The following MAGI1 variants were observed in gnomAD, a reference collection of about 807,000 sequenced individuals.
MAGI1 encodes membrane-associated guanylate kinase, WW and PDZ domain-containing protein 1.
A neutral mutation model predicts 139.9 loss-of-function variants in MAGI1; 58 were observed. The observed-to-expected ratio is 0.41, with a 90% CI of 0.34 to 0.52. MAGI1 has a LOEUF of 0.52. Among genes scored for constraint, MAGI1 ranks in the 20% least tolerant of loss-of-function variants. The pLI is 0.12. For synonymous variants in MAGI1, 812 were observed against 737.9 expected (o/e 1.10, Z -1.63); for missense variants, 1,874 against 1,901.6 (o/e 0.99, Z 0.27).
intron 1 of MAGI1, among the ~76,000 whole-genome samples, chr3:65,796,979 G>T (rs2040189257): frequency 6.6e-6 from 1 of 152,148 alleles, no homozygotes; most frequent in Non-Finnish European, 1.5e-5. Context: ...CATCTTCCAA[G>T]GGTGTGATCT....
chr3:65,548,920 G>C (rs928811588), intron 2 of MAGI1, among the ~76,000 whole-genome samples: 1 of 152,116 alleles, frequency 6.6e-6, no homozygotes, highest in Non-Finnish European at 1.5e-5. Context: ...CGGGGTCGGC[G>C]GGAACGGGAG....
chr3:65,651,951 C>A (rs2085609972), intron 1 of MAGI1, among the ~76,000 whole-genome samples: 1 of 152,142 alleles, frequency 6.6e-6, no homozygotes, highest in South Asian at 2.1e-4. Context: ...AAAAACGTAT[C>A]TTCTCTAGCT....
chr3:65,741,541 T>C (rs1267006675), intron 1 of MAGI1, among the ~76,000 whole-genome samples: 2 of 152,236 alleles, frequency 1.3e-5, no homozygotes, highest in Non-Finnish European at 2.9e-5. Context: ...TTCTTGTTGT[T>C]GGCTCCTGCA....
At chr3:65,568,978 A>G (rs1029562844) in intron 2 of MAGI1, among the ~76,000 whole-genome samples, 8 of 152,234 alleles carry the variant, frequency 5.3e-5, no homozygotes, top group Non-Finnish European at 1.0e-4. Context: ...CAGCCAGCTG[A>G]TAAATGTTTT....
At chr3:65,683,882 C>T (rs975128912) in intron 1 of MAGI1, among the ~76,000 whole-genome samples, 2 of 150,988 alleles carry the variant, frequency 1.3e-5, no homozygotes, top group Admixed American at 1.3e-4. Context: ...CTGGCAAGTA[C>T]TTTTATAAGA....
chr3:65,833,092 G>A (rs2042612446), intron 1 of MAGI1, among the ~76,000 whole-genome samples: 1 of 150,632 alleles, frequency 6.6e-6, no homozygotes, highest in South Asian at 2.1e-4. Flanking sequence ...CAGTAATAGT[G>A]GGCTAGGACT....
chr3:65,966,303 AC>A (rs1304973135), intron 1 of MAGI1, among the ~76,000 whole-genome samples: 1 of 152,202 alleles, frequency 6.6e-6, no homozygotes. Flanking sequence ...ACAGTATTTT[AC>A]CAAACTACAA....
chr3:65,778,443 AAT>A lies in MAGI1; in HGVS notation c.314-156357_314-156356del, dbSNP rs1491195481. 2.9e-3 allele frequency among the ~76,000 whole-genome samples: 436 copies of A among 148,948 alleles called. 26 individuals are homozygous for A. The highest frequency in any genetic ancestry group is 4.1e-3 in the Non-Finnish European group (276 of 66,806). ...GAAACTCTGTCTCAAAAAAAAAAAA[AAT>A]AAATAAATAAGTCTTTTGAGAAATG... On this transcript the variant is annotated intron_variant, in intron 1 of 22. Transcript: ENST00000402939.
intron 1 of MAGI1, among the ~76,000 whole-genome samples, chr3:65,943,673 A>G (rs568476676): frequency 6.6e-6 from 1 of 152,190 alleles, no homozygotes; most frequent in Non-Finnish European, 1.5e-5. Flanking sequence ...ATATGTGTGT[A>G]TATAGATTCT....
chr3:65,419,917 A>T (rs1946518492), intron 12 of MAGI1, among the ~76,000 whole-genome samples: 1 of 152,106 alleles, frequency 6.6e-6, no homozygotes, highest in Non-Finnish European at 1.5e-5. Flanking sequence ...CTCTTTATAG[A>T]AAAAGTGTGT....
chr3:65,726,641 A>T (rs2033639002), intron 1 of MAGI1, among the ~76,000 whole-genome samples: 1 of 152,190 alleles, frequency 6.6e-6, no homozygotes, highest in South Asian at 2.1e-4. Context: ...CTGATCCAAA[A>T]GAAAGCTGTA....
rs2042532171 is a variant in MAGI1 at position 65,831,586 on chromosome 3, G to A, written c.313+206410C>T. ...GCCTCTAACTCTTGAAAGTTGGCAT[G>A]CTACCACTATAAAAATGCCGTTTTT... On this transcript the variant is annotated intron_variant, in intron 1 of 22. Coordinates refer to ENST00000402939, the MANE Select transcript of MAGI1 (RefSeq NM_001033057.2). 2.0e-5 allele frequency among the ~76,000 whole-genome samples: 3 copies of A among 152,144 alleles called. No individual in the cohort carries two copies. In the South Asian group the frequency reaches 6.2e-4, roughly 31 times the overall value.
In MAGI1 at chr3:65,499,103, A is replaced by G. The variant is rs1277671444; in HGVS notation, c.431-5472T>C. The G allele has an allele frequency of 3.4e-6, 3 of 870,092 alleles. No individual in the cohort carries two copies. The African/African-American group carries it at 5.5e-5, about 16-fold the overall frequency. The allele number at this position is 870,092 out of a possible 1,614,324, so 53.9% of individuals were successfully genotyped here. On this transcript the variant is annotated intron_variant, in intron 2 of 22. Coordinates refer to ENST00000402939, the MANE Select transcript of MAGI1 (RefSeq NM_001033057.2). Reference sequence around the variant, plus strand: ...AAACTCTCATATGCTTTGAAAAACTATCTAGTCAACTCCACGATTTGTTTT... The same window carrying G: ...AAACTCTCATATGCTTTGAAAAACTGTCTAGTCAACTCCACGATTTGTTTT...
At chr3:65,365,240 C>T (rs1941302154) in intron 18 of MAGI1, 1 of 580,562 alleles carries the variant, frequency 1.7e-6, no homozygotes, top group Admixed American at 1.9e-5. Context: ...GTATATGTTT[C>T]TCACTCCTCC....
chr3:65,417,287 C>A (rs1289207565), intron 12 of MAGI1, among the ~76,000 whole-genome samples: 1 of 152,004 alleles, frequency 6.6e-6, no homozygotes, highest in Non-Finnish European at 1.5e-5. Flanking sequence ...ACCTATGGAA[C>A]AAATCTGCAC....
At chr3:65,498,598 T>G (rs2076965213) in intron 2 of MAGI1, among the ~76,000 whole-genome samples, 1 of 152,184 alleles carries the variant, frequency 6.6e-6, no homozygotes, top group African/African-American at 2.4e-5. Context: ...CTCATTTTAT[T>G]GATGAAGAAG....
chr3:65,395,636 CAA>C (rs58806140), intron 13 of MAGI1, among the ~76,000 whole-genome samples: 352 of 19,154 alleles, frequency 0.018, 6 homozygotes, highest in African/African-American at 0.051. Flanking sequence ...GACTCCATCT[CAA>C]AAAAAAAAAA....
chr3:65,948,559 A>G (rs941427603), intron 1 of MAGI1, among the ~76,000 whole-genome samples: 9 of 152,234 alleles, frequency 5.9e-5, no homozygotes, highest in Non-Finnish European at 1.3e-4. Flanking sequence ...TAGGCCCAGA[A>G]GCCTGAAAAT....
chr3:65,910,855 C>CTT lies in MAGI1; in HGVS notation c.313+127139_313+127140dup, dbSNP rs397989928. Among the ~76,000 whole-genome samples, 146 of 59,472 alleles carry CTT rather than the reference C, an allele frequency of 2.5e-3. 40 individuals carry two copies. Among genetic ancestry groups the CTT allele is most frequent in the African/African-American group, 0.01 (129 of 12,672 alleles). The allele number at this position is 59,472 out of a possible 152,430, so 39.0% of individuals were successfully genotyped here. ...TGAGGCCTCTTTCAGACATGGTGGA[C>CTT]TTTTTTTTTTTTTTTTTTTTGAGAT... is the stretch of plus-strand genomic sequence containing the variant. On this transcript the variant is annotated intron_variant, in intron 1 of 22. Coordinates refer to ENST00000402939, the MANE Select transcript of MAGI1 (RefSeq NM_001033057.2).
Sources: allele counts gnomAD v4.1 joint callset (sites outside exome capture counted in the v4.1 genomes callset), GRCh38; gene constraint gnomAD v4.1.1; transcripts MANE v1.5; gene names NCBI Gene and HGNC (gene_info 2026-07-23, HGNC 2026-07-21).